ZBTB2: variants seen among roughly 807,000 people sequenced by gnomAD.
The protein encoded by ZBTB2 is zinc finger and BTB domain containing 2.
In ZBTB2, 2 loss-of-function variants were observed where a neutral mutation model predicts 39.5. That is an observed-to-expected ratio of 0.05 (90% CI 0.02 to 0.16). The LOEUF is 0.16. Ranked by LOEUF, ZBTB2 falls within the 10% of genes least tolerant of loss-of-function variation. The pLI is 1.00. For synonymous variants in ZBTB2, 251 were observed against 256.6 expected, an observed-to-expected ratio of 0.98 and a Z score of 0.21; for missense variants, 391 against 653.0, an observed-to-expected ratio of 0.60 and a Z score of 4.37.
At position 151,390,619 on chromosome 6, in the gene ZBTB2, G is replaced by A. The variant is rs572259678; in HGVS notation, c.-13+801C>T. Reference sequence around the variant, plus strand: ...CCGGAGACAGCGCGAGACCCGAGGAGGCCGGAAGCGCGCGTGCGCGCCCCC... The same window carrying A: ...CCGGAGACAGCGCGAGACCCGAGGAAGCCGGAAGCGCGCGTGCGCGCCCCC... On this transcript the variant is annotated intron_variant, in intron 1 of 2. Transcript: ENST00000325144. Among the ~76,000 whole-genome samples the A allele has an allele frequency of 1.8e-3, 273 of 151,364 alleles. 2 individuals are homozygous for A. The highest frequency in any genetic ancestry group is 5.8e-3 in the African/African-American group (240 of 41,378).
intron 2 of ZBTB2, among the ~76,000 whole-genome samples, chr6:151,371,277 A>T (rs899915438): frequency 1.3e-5 from 2 of 152,166 alleles, no homozygotes; most frequent in Non-Finnish European, 2.9e-5. Context: ...AGATTTGTAA[A>T]ACCCAGTCCC....
At chr6:151,373,377 T>C (rs967765360) in intron 2 of ZBTB2, 88 bp downstream of exon 2, 1 of 1,460,058 alleles carries the variant, frequency 6.8e-7, no homozygotes, top group Non-Finnish European at 9.5e-7. Flanking sequence ...CTAGGAGACG[T>C]AGAGAGACCC....
At chr6:151,373,778 G>A (rs1036372791) in intron 1 of ZBTB2, 129 bp from the exon 2 acceptor site, 17 of 559,556 alleles carry the variant, frequency 3.0e-5, no homozygotes, top group Admixed American at 3.0e-4. Flanking sequence ...TGCTAAAAAC[G>A]TTACACAGAT....
chr6:151,383,731 A>T (rs1030183239), intron 1 of ZBTB2, among the ~76,000 whole-genome samples: 5 of 152,096 alleles, frequency 3.3e-5, no homozygotes, highest in Admixed American at 1.3e-4. Context: ...CTGCTTTCAG[A>T]GGAACTGACC....
intron 2 of ZBTB2, chr6:151,370,240 A>C (rs1406372250): frequency 5.2e-6 from 1 of 193,560 alleles, no homozygotes; most frequent in African/African-American, 2.4e-5. Flanking sequence ...GGTTCAAGCA[A>C]TTCTCCTGCC....
At chr6:151,378,976 A>G (rs1024836343) in intron 1 of ZBTB2, among the ~76,000 whole-genome samples, 1 of 152,228 alleles carries the variant, frequency 6.6e-6, no homozygotes, top group Admixed American at 6.5e-5. Context: ...AGCTTATAGA[A>G]CCAGTACATT....
chr6:151,368,119 T>A (rs1778689648), intron 2 of ZBTB2, among the ~76,000 whole-genome samples: 1 of 152,224 alleles, frequency 6.6e-6, no homozygotes, highest in Admixed American at 6.5e-5. Context: ...CTTTTAGCAA[T>A]CATGTTCATT....
chr6:151,371,398 C>T (rs1168074068), intron 2 of ZBTB2, among the ~76,000 whole-genome samples: 2 of 152,156 alleles, frequency 1.3e-5, no homozygotes, highest in Non-Finnish European at 2.9e-5. Flanking sequence ...TAAAGGAGCA[C>T]AATTAAAGTG....
chr6:151,390,669 C>A (rs1779273501), intron 1 of ZBTB2, among the ~76,000 whole-genome samples: 1 of 151,708 alleles, frequency 6.6e-6, no homozygotes, highest in African/African-American at 2.4e-5. Flanking sequence ...GGCGGAGCCG[C>A]AGCAGTAGCG....
At chr6:151,381,040 G>A (rs1582921615) in intron 1 of ZBTB2, among the ~76,000 whole-genome samples, 1 of 151,966 alleles carries the variant, frequency 6.6e-6, no homozygotes, top group East Asian at 1.9e-4. Flanking sequence ...TCATCCTCAG[G>A]GCTCCATTCT....
intron 1 of ZBTB2, among the ~76,000 whole-genome samples, chr6:151,374,563 AGACC>A (rs1234207730): frequency 7.2e-5 from 11 of 152,136 alleles, no homozygotes; most frequent in Non-Finnish European, 1.6e-4. Flanking sequence ...CATTACACAC[AGACC>A]AACATTATAT....
At chr6:151,388,318 G>A (rs1255153471) in intron 1 of ZBTB2, among the ~76,000 whole-genome samples, 1 of 152,172 alleles carries the variant, frequency 6.6e-6, no homozygotes, top group Non-Finnish European at 1.5e-5. Context: ...GTGGGGCTAG[G>A]AATGAAGCAC....
chr6:151,384,660 C>T (rs1465620896), intron 1 of ZBTB2, among the ~76,000 whole-genome samples: 3 of 151,886 alleles, frequency 2.0e-5, no homozygotes, highest in South Asian at 2.1e-4. Context: ...AATAATTTGG[C>T]GGGAAGAGCA....
chr6:151,388,988 C>T (rs948012548), intron 1 of ZBTB2, among the ~76,000 whole-genome samples: 2 of 152,148 alleles, frequency 1.3e-5, no homozygotes, highest in South Asian at 2.1e-4. Flanking sequence ...TCAGTGGCAC[C>T]GGCGTATCAC....
At chr6:151,377,583 C>T (rs1778942897) in intron 1 of ZBTB2, among the ~76,000 whole-genome samples, 1 of 147,224 alleles carries the variant, frequency 6.8e-6, no homozygotes, top group South Asian at 2.2e-4. Flanking sequence ...CTCTGTTGCC[C>T]AGGCTGGAGT....
intron 2 of ZBTB2, among the ~76,000 whole-genome samples, 190 bp from the exon 3 acceptor site, chr6:151,367,082 A>C (rs1275478162): frequency 1.3e-5 from 2 of 152,156 alleles, no homozygotes; most frequent in African/African-American, 4.8e-5. Context: ...GTGATATCTT[A>C]ATCCACAGAT....
intron 2 of ZBTB2, among the ~76,000 whole-genome samples, chr6:151,373,154 CAAAAAAAAAAAAAAAAAAAAAAAA>C (rs58019601): frequency 3.6e-4 from 10 of 27,824 alleles, no homozygotes; most frequent in African/African-American, 1.0e-3. Flanking sequence ...GACTCCGTCT[CAAAAAAAAAAAAAAAAAAAAAAAA>C]AAAAAAAAAA....
At chr6:151,370,348 C>T (rs565938091) in intron 2 of ZBTB2, among the ~76,000 whole-genome samples, 142 of 152,286 alleles carry the variant, frequency 9.3e-4, no homozygotes, top group African/African-American at 3.4e-3. Flanking sequence ...GTTGGCCAGG[C>T]TGGTTGACAT....
At chr6:151,381,513 T>C (rs1202109809) in intron 1 of ZBTB2, among the ~76,000 whole-genome samples, 1 of 151,340 alleles carries the variant, frequency 6.6e-6, no homozygotes, top group Non-Finnish European at 1.5e-5. Context: ...ACAGAGAGAC[T>C]CCATCTAAAA....
Sources: gnomAD v4.1 joint callset for allele counts (sites outside exome capture counted in the v4.1 genomes callset) on GRCh38, gnomAD v4.1.1 for gene constraint, MANE v1.5 for transcripts, NCBI Gene and HGNC (gene_info 2026-07-23, HGNC 2026-07-21) for gene names.